The following RERE variants were observed in gnomAD, a reference collection of about 807,000 sequenced individuals.
RERE encodes the protein arginine-glutamic acid dipeptide repeats protein.
RERE carries 40 observed loss-of-function variants against 146.1 expected under a neutral mutation model. The ratio of observed to expected loss-of-function variants is 0.27; its 90% confidence interval spans 0.21 to 0.36. RERE has a LOEUF of 0.36. Among genes scored for constraint, RERE ranks in the 10% least tolerant of loss-of-function variants. The probability of loss-of-function intolerance (pLI) is 1.00; values close to 1 mark genes in which losing one functional copy is unlikely to be tolerated. For synonymous variants in RERE, 1,003 were observed against 866.0 expected, an observed-to-expected ratio of 1.16 and a Z score of -2.78; for missense variants, 1,933 against 2,138.7, an observed-to-expected ratio of 0.90 and a Z score of 1.90.
chr1:8,574,096 G>C (rs558590315), intron 4 of RERE, among the ~76,000 whole-genome samples: 9 of 152,040 alleles, frequency 5.9e-5, no homozygotes, highest in Admixed American at 1.3e-4. Context: ...ATGAGCCACC[G>C]TGCCCAACCA....
chr1:8,566,548 G>T (rs1032163961), intron 4 of RERE, among the ~76,000 whole-genome samples: 3 of 151,996 alleles, frequency 2.0e-5, no homozygotes. Context: ...GAACCCAGGA[G>T]GCGGAAGTTG....
At chr1:8,455,910 C>T (rs1478383438) in intron 11 of RERE, among the ~76,000 whole-genome samples, 1 of 152,174 alleles carries the variant, frequency 6.6e-6, no homozygotes, top group East Asian at 1.9e-4. Flanking sequence ...TTCTAAAGTG[C>T]CTCGTGAGCA....
intron 2 of RERE, among the ~76,000 whole-genome samples, chr1:8,625,057 C>T (rs1007244135): frequency 6.6e-6 from 1 of 152,202 alleles, no homozygotes; most frequent in Non-Finnish European, 1.5e-5. Flanking sequence ...TCTTAAATTA[C>T]ATTTGACATG....
At chr1:8,741,244 ACT>A (rs1640300476) in intron 1 of RERE, among the ~76,000 whole-genome samples, 1 of 152,160 alleles carries the variant, frequency 6.6e-6, no homozygotes, top group African/African-American at 2.4e-5. Context: ...TTATTAACTA[ACT>A]CTCATCATTC....
chr1:8,618,034 T>A (rs1013215938), intron 3 of RERE, among the ~76,000 whole-genome samples: 9 of 152,252 alleles, frequency 5.9e-5, no homozygotes, highest in African/African-American at 2.2e-4. Flanking sequence ...TAAAGTTTTT[T>A]AAAAATACTT....
intron 1 of RERE, among the ~76,000 whole-genome samples, chr1:8,676,884 A>ATTTGTCTC (rs1638851550): frequency 1.3e-5 from 2 of 152,138 alleles, no homozygotes; most frequent in African/African-American, 4.8e-5. Flanking sequence ...TGCCACCTAC[A>ATTTGTCTC]TTTGTCTCAG....
chr1:8,622,138 C>A (rs986481263), intron 3 of RERE, among the ~76,000 whole-genome samples: 1 of 152,094 alleles, frequency 6.6e-6, no homozygotes, highest in Middle Eastern at 3.2e-3. Context: ...GCTTTTATTG[C>A]TGTTAATACC....
intron 1 of RERE, among the ~76,000 whole-genome samples, chr1:8,684,141 C>A (rs1218272524): frequency 6.6e-6 from 1 of 152,140 alleles, no homozygotes; most frequent in African/African-American, 2.4e-5. Flanking sequence ...CCAAAAGGAT[C>A]TTAGTAATTA....
chr1:8,650,591 T>C (rs1176506606), intron 2 of RERE, among the ~76,000 whole-genome samples: 1 of 151,952 alleles, frequency 6.6e-6, no homozygotes, highest in Admixed American at 6.6e-5. Flanking sequence ...GGTAAAACCC[T>C]GTCTCTACAA....
At chr1:8,506,296 C>T (rs1278157128) in intron 8 of RERE, among the ~76,000 whole-genome samples, 1 of 152,230 alleles carries the variant, frequency 6.6e-6, no homozygotes, top group African/African-American at 2.4e-5. Flanking sequence ...CTTGAACAAG[C>T]AGACACTGTC....
At chr1:8,496,326 A>G (rs1258772108) in intron 9 of RERE, among the ~76,000 whole-genome samples, 1 of 151,898 alleles carries the variant, frequency 6.6e-6, no homozygotes, top group Non-Finnish European at 1.5e-5. Flanking sequence ...ACAAAATTAA[A>G]AATAGCCGGG....
rs1379869501 is a variant in RERE, at chr1:8,361,026, C to T, written c.2481G>A (p.Gln827=). The T allele has an allele frequency of 2.1e-6, 3 of 1,435,616 alleles. No individual in the cohort carries two copies. The highest frequency in any genetic ancestry group is 2.7e-6 in the Non-Finnish European group (3 of 1,100,650). The allele number at this position is 1,435,616 out of a possible 1,614,324, so 88.9% of individuals were successfully genotyped here. A position where few individuals can be genotyped will look rare whatever the true frequency, so the allele number is the denominator to read the frequency against. ...GCTGGCCCGCCGACCCAGTCAGAGG[C>T]TGCAGCGGGGGATGTGGCGAGGGAT... The part of the protein sequence containing the change: ...PPHPSPHPPL[Q]PLTGSAGQPS... The change falls in exon 18 of 23, where the codon CAG becomes CAA. Residue 827 remains glutamine (Q), a synonymous_variant. Coordinates refer to ENST00000400908, the MANE Select transcript of RERE (RefSeq NM_001042681.2).
At chr1:8,432,167 G>A (rs1042650160) in intron 11 of RERE, among the ~76,000 whole-genome samples, 2 of 152,024 alleles carry the variant, frequency 1.3e-5, no homozygotes, top group African/African-American at 4.8e-5. Flanking sequence ...CCAAACTATC[G>A]GTCTGCTAGT....
intron 11 of RERE, among the ~76,000 whole-genome samples, chr1:8,430,747 C>T (rs1302091994): frequency 1.3e-5 from 2 of 152,212 alleles, no homozygotes; most frequent in African/African-American, 2.4e-5. Flanking sequence ...GGTAGTGGCA[C>T]AAGTATGCTA....
Position 8,423,549 on chromosome 1 carries a change from C to G in RERE, c.1204-742G>C. ...GCCCCGGTGGGGGCAGCTCCTGGCT[C>G]CGAGCCCCCACCTCGGGGCTCCCAG... On this transcript the variant is annotated intron_variant, in intron 11 of 22. Transcript: ENST00000400908. The surrounding 1 kb of genome is among the most constrained non-coding windows in gnomAD (Gnocchi z 5.4). The G allele has an allele frequency of 2.0e-6, 2 of 985,220 alleles. No individual in the cohort carries two copies. The highest frequency in any genetic ancestry group is 2.4e-6 in the Non-Finnish European group (2 of 829,804). The allele number at this position is 985,220 out of a possible 1,614,324, so 61.0% of individuals were successfully genotyped here. A position where few individuals can be genotyped will look rare whatever the true frequency, so the allele number is the denominator to read the frequency against.
intron 12 of RERE, among the ~76,000 whole-genome samples, chr1:8,417,405 T>C (rs1239037452): frequency 6.6e-6 from 1 of 152,232 alleles, no homozygotes; most frequent in Non-Finnish European, 1.5e-5. Context: ...AGGTGGTTGA[T>C]TTTCATGTTA....
rs1641937463 is a variant in RERE, at chr1:8,817,414, C to T, written c.-399G>A. On this transcript the variant is annotated 5_prime_UTR_variant, in exon 1 of 23. Transcript: ENST00000400908. ...CAGAAGCAGGAGCCCAGGATCATGT[C>T]TGGTTTTGTTTTCCGAGGGCGAGGG... 6.6e-6 allele frequency: 1 copy of T among 150,498 alleles called. No individual in the cohort carries two copies. The highest frequency in any genetic ancestry group is 1.5e-5 in the Non-Finnish European group (1 of 67,846). 9.3% of individuals were successfully genotyped at this position (150,498 alleles called of 1,614,324 possible). A position where few individuals can be genotyped will look rare whatever the true frequency, so the allele number is the denominator to read the frequency against.
At chr1:8,475,419 T>C (rs1032576689) in intron 10 of RERE, among the ~76,000 whole-genome samples, 19 of 148,064 alleles carry the variant, frequency 1.3e-4, no homozygotes, top group African/African-American at 4.8e-4. Flanking sequence ...GGCTCACACC[T>C]GTAATCCCAG....
intron 11 of RERE, among the ~76,000 whole-genome samples, chr1:8,432,189 C>T (rs951010696): frequency 2.0e-5 from 3 of 152,296 alleles, no homozygotes; most frequent in Middle Eastern, 3.4e-3. Flanking sequence ...AGTTAACAGC[C>T]TCCACAATTG....
Sources: gnomAD v4.1 joint callset for allele counts (sites outside exome capture counted in the v4.1 genomes callset) on GRCh38, gnomAD v4.1.1 for gene constraint, Gnocchi (gnomAD v3.1) non-coding constraint, MANE v1.5 for transcripts, NCBI Gene and HGNC (gene_info 2026-07-23, HGNC 2026-07-21) for gene names.